Variants in TBCE observed in about 807,000 individuals in gnomAD.
TBCE encodes the protein tubulin-specific chaperone E.
TBCE carries 53 observed loss-of-function variants against 77.0 expected under a neutral mutation model. The ratio of observed to expected loss-of-function variants is 0.69; its 90% CI spans 0.55 to 0.87. The LOEUF (loss-of-function observed/expected upper bound fraction) is 0.87, where lower values mean the gene tolerates loss of function less well. Among genes scored for constraint, TBCE ranks in the 40% least tolerant of loss-of-function variants. The probability of loss-of-function intolerance (pLI) is 0.00; values close to 1 mark genes in which losing one functional copy is unlikely to be tolerated. For missense variants in TBCE, 624 were observed against 622.4 expected, an observed-to-expected ratio of 1.00 and a Z score of -0.03; for synonymous variants, 235 against 241.3, an observed-to-expected ratio of 0.97 and a Z score of 0.24.
chr1:235,422,867 A>G lies in TBCE; in HGVS notation c.460+3306A>G, dbSNP rs574685737. 4.1e-4 allele frequency among the ~76,000 whole-genome samples: 63 copies of G among 152,280 alleles called. 1 individual carries two copies. In the East Asian group the frequency reaches 0.012, roughly 29 times the overall value. Reference sequence around the variant, plus strand: ...AGATGTGGCGGTAAATGGGTTTGGGAGTGCTGGCTGTTGGGTTGCTCAGAG... The same window carrying G: ...AGATGTGGCGGTAAATGGGTTTGGGGGTGCTGGCTGTTGGGTTGCTCAGAG... On this transcript the variant is annotated intron_variant, in intron 5 of 16. Transcript: ENST00000642610.
intron 2 of TBCE, among the ~76,000 whole-genome samples, chr1:235,396,162 C>A (rs1440702461): frequency 6.6e-6 from 1 of 152,040 alleles, no homozygotes; most frequent in Non-Finnish European, 1.5e-5. Flanking sequence ...TGGGTTCACG[C>A]CATTCTCCTG....
At chr1:235,416,213 C>T (rs974285071) in intron 4 of TBCE, 26 of 144,468 alleles carry the variant, frequency 1.8e-4, no homozygotes, top group African/African-American at 6.7e-4. Context: ...CTATCATGAA[C>T]AGTTTTTACT....
chr1:235,370,441 T>C (rs556672514), intron 1 of TBCE, among the ~76,000 whole-genome samples: 7 of 151,684 alleles, frequency 4.6e-5, no homozygotes, highest in Admixed American at 6.6e-5. Flanking sequence ...TTAGTAGAGA[T>C]GGGGTTTCAC....
In TBCE at chr1:235,450,510, G is replaced by A; in HGVS notation, c.*1748G>A. 2 of 717,766 alleles carry A rather than the reference G, an allele frequency of 2.8e-6. No individual in the cohort carries two copies. The highest frequency in any genetic ancestry group is 2.9e-5 in the Admixed American group (1 of 34,238). 44.5% of individuals were successfully genotyped at this position (717,766 alleles called of 1,614,324 possible). ...GTTTGGGGGTGGCACCTCCTGATTT[G>A]GGAAAGCACCAGGTCCCACAGTCCT... On this transcript the variant is annotated 3_prime_UTR_variant, in exon 17 of 17. Transcript: ENST00000642610.
chr1:235,424,428 G>C (rs1271431572), intron 5 of TBCE, among the ~76,000 whole-genome samples: 2 of 13,644 alleles, frequency 1.5e-4, no homozygotes, highest in African/African-American at 6.8e-3. Flanking sequence ...CAGGTTCAAG[G>C]ATTCTTCTGC....
intron 1 of TBCE, among the ~76,000 whole-genome samples, chr1:235,370,397 C>T (rs963015092): frequency 7.9e-5 from 12 of 151,554 alleles, no homozygotes; most frequent in African/African-American, 2.2e-4. Flanking sequence ...TGATTACAGG[C>T]GCATGCCACC....
At chr1:235,391,039 G>T (rs1333793636) in intron 2 of TBCE, among the ~76,000 whole-genome samples, 3 of 152,134 alleles carry the variant, frequency 2.0e-5, no homozygotes, top group African/African-American at 7.2e-5. Context: ...GGTGTTCATT[G>T]CTACTGGGTT....
intron 3 of TBCE, among the ~76,000 whole-genome samples, chr1:235,409,827 G>A (rs1477567933): frequency 2.8e-5 from 4 of 141,024 alleles, no homozygotes; most frequent in Admixed American, 1.4e-4. Flanking sequence ...TCAGGAGTTC[G>A]AGACCATCCT....
At chr1:235,412,705 C>CTGAT (rs1269132292) in intron 3 of TBCE, among the ~76,000 whole-genome samples, 4 of 152,190 alleles carry the variant, frequency 2.6e-5, no homozygotes, top group Admixed American at 6.5e-5. Context: ...CTTTTAGAGT[C>CTGAT]TGATCATCAC....
At chr1:235,381,157 C>T (rs1372464498) in intron 2 of TBCE, among the ~76,000 whole-genome samples, 1 of 152,078 alleles carries the variant, frequency 6.6e-6, no homozygotes, top group Non-Finnish European at 1.5e-5. Flanking sequence ...GCAATGTGCC[C>T]AGAATTAGAA....
intron 2 of TBCE, among the ~76,000 whole-genome samples, chr1:235,381,129 T>C (rs1038669468): frequency 1.3e-5 from 2 of 152,118 alleles, no homozygotes; most frequent in African/African-American, 4.8e-5. Flanking sequence ...CAAGCTGATA[T>C]GGGTTTACTA....
At chr1:235,376,982 A>G (rs1390073603) in intron 1 of TBCE, among the ~76,000 whole-genome samples, 4 of 151,848 alleles carry the variant, frequency 2.6e-5, no homozygotes, top group Non-Finnish European at 5.9e-5. Context: ...AAAAAAAATC[A>G]TCTAAACTGC....
chr1:235,378,200 CTGTT>C (rs1480457710), intron 1 of TBCE, among the ~76,000 whole-genome samples: 1 of 152,070 alleles, frequency 6.6e-6, no homozygotes, highest in Non-Finnish European at 1.5e-5. Context: ...TACTTCAACA[CTGTT>C]ATCTTTTATT....
intron 2 of TBCE, among the ~76,000 whole-genome samples, chr1:235,399,412 T>C (rs1290283088): frequency 6.6e-6 from 1 of 152,156 alleles, no homozygotes; most frequent in Non-Finnish European, 1.5e-5. Flanking sequence ...GGAAACAGGA[T>C]CTCTCTCCTG....
At chr1:235,382,404 T>G (rs1677733774) in intron 2 of TBCE, among the ~76,000 whole-genome samples, 1 of 152,220 alleles carries the variant, frequency 6.6e-6, no homozygotes, top group South Asian at 2.1e-4. Flanking sequence ...ACTTCCACAA[T>G]GGTTGAACTA....
intron 3 of TBCE, 127 bp downstream of exon 3, chr1:235,401,714 C>T (rs1361603318): frequency 3.7e-6 from 3 of 803,576 alleles, no homozygotes; most frequent in Middle Eastern, 3.2e-4. Context: ...TTGTTGTATT[C>T]CAAAAAGGCA....
chr1:235,414,736 C>G lies in TBCE; in HGVS notation c.371+118C>G, dbSNP rs1202490129. The G allele has an allele frequency of 3.1e-6, 3 of 973,300 alleles. No homozygotes were observed. The African/African-American group carries it at 4.9e-5, about 16-fold the overall frequency. The allele number at this position is 973,300 out of a possible 1,614,324, so 60.3% of individuals were successfully genotyped here. A position where few individuals can be genotyped will look rare whatever the true frequency, so the allele number is the denominator to read the frequency against. ...TTTGCTCCTAAACTGGTTTATGGTT[C>G]CACAGAAACGGAATCAAAATCTGAG... On this transcript the variant is annotated intron_variant, in intron 4 of 16. Transcript: ENST00000642610.
chr1:235,448,601 G>GTTTC, intron 16 of TBCE, 69 bp from the exon 17 acceptor site: 1 of 1,426,472 alleles, frequency 7.0e-7, no homozygotes, highest in Non-Finnish European at 9.9e-7. Flanking sequence ...GGTGGGGGAA[G>GTTTC]AGTATGTGTA....
At position 235,369,378 on chromosome 1, in the gene TBCE, G is replaced by A. The variant is rs1187667955; in HGVS notation, c.-32+1874G>A. On this transcript the variant is annotated intron_variant, in intron 1 of 16. Coordinates refer to ENST00000642610, the MANE Select transcript of TBCE (RefSeq NM_003193.5). Reference sequence around the variant, plus strand: ...AAAAATTAGCCGGGCGTGGTGGTGCGTGCCTGTAATCTCAGCTACTCAGGA... The same window carrying A: ...AAAAATTAGCCGGGCGTGGTGGTGCATGCCTGTAATCTCAGCTACTCAGGA... Among the ~76,000 whole-genome samples the A allele has an allele frequency of 6.6e-5, 10 of 151,984 alleles. No individual in the cohort carries two copies. The East Asian group carries it at 7.8e-4, about 12-fold the overall frequency.
Sources: allele counts gnomAD v4.1 joint callset (sites outside exome capture counted in the v4.1 genomes callset), GRCh38; gene constraint gnomAD v4.1.1; transcripts MANE v1.5; gene names NCBI Gene and HGNC (gene_info 2026-07-23, HGNC 2026-07-21).